CSMD3: variants seen among roughly 807,000 people sequenced by gnomAD.
CSMD3 encodes the protein CUB and Sushi multiple domains 3, also known as CUB and sushi domain-containing protein 3.
In CSMD3, 177 loss-of-function variants were observed where a neutral mutation model predicts 435.2. That is an observed-to-expected ratio of 0.41 (90% CI 0.36 to 0.46). CSMD3 has a LOEUF of 0.46. CSMD3 is among the 20% of genes least tolerant of loss of function. The pLI is 0.34. For missense variants in CSMD3, 4,265 were observed against 4,504.6 expected (o/e 0.95, Z 1.52); for synonymous variants, 1,656 against 1,520.5 (o/e 1.09, Z -2.07).
chr8:113,014,235 C>T (rs1364915215), intron 6 of CSMD3, among the ~76,000 whole-genome samples: 2 of 152,128 alleles, frequency 1.3e-5, no homozygotes, highest in Non-Finnish European at 2.9e-5. Flanking sequence ...GTGGTTCCCA[C>T]TTCCTTGGCT....
At chr8:112,255,824 G>C (rs1815736365) in intron 61 of CSMD3, 2 of 230,472 alleles carry the variant, frequency 8.7e-6, no homozygotes, top group South Asian at 5.9e-5. Context: ...AATGTTCCAG[G>C]CTGCACGCTA....
At chr8:113,348,808 C>A (rs1196373475) in intron 1 of CSMD3, among the ~76,000 whole-genome samples, 1 of 151,888 alleles carries the variant, frequency 6.6e-6, no homozygotes, top group Admixed American at 6.6e-5. Flanking sequence ...TTTAGGCTTA[C>A]GTGTATCATA....
chr8:112,835,125 A>C (rs569653287), intron 11 of CSMD3, among the ~76,000 whole-genome samples: 1 of 151,956 alleles, frequency 6.6e-6, no homozygotes, highest in African/African-American at 2.4e-5. Flanking sequence ...ATGCTTTTTA[A>C]CACTGACTTT....
intron 13 of CSMD3, among the ~76,000 whole-genome samples, chr8:112,708,903 T>A (rs1563879152): frequency 6.6e-6 from 1 of 152,072 alleles, no homozygotes; most frequent in Non-Finnish European, 1.5e-5. Context: ...AGCTAGCTTA[T>A]CTTCAGCTTC....
At chr8:113,165,139 T>C (rs1429748264) in intron 4 of CSMD3, among the ~76,000 whole-genome samples, 1 of 152,176 alleles carries the variant, frequency 6.6e-6, no homozygotes, top group East Asian at 1.9e-4. Flanking sequence ...TCTGAAGCTG[T>C]CAATATATTC....
At chr8:112,391,160 T>C (rs543634770) in intron 35 of CSMD3, among the ~76,000 whole-genome samples, 2 of 152,326 alleles carry the variant, frequency 1.3e-5, no homozygotes, top group Admixed American at 6.5e-5. Flanking sequence ...TTCTCCTTCA[T>C]GCATTCTTTG....
At chr8:112,549,201 T>C (rs1563689519) in intron 27 of CSMD3, among the ~76,000 whole-genome samples, 2 of 151,968 alleles carry the variant, frequency 1.3e-5, no homozygotes, top group South Asian at 2.1e-4. Context: ...TAAACTACAA[T>C]AGAAATAACT....
chr8:112,447,580 G>A (rs1204985256), intron 32 of CSMD3, among the ~76,000 whole-genome samples: 1 of 152,098 alleles, frequency 6.6e-6, no homozygotes, highest in Non-Finnish European at 1.5e-5. Flanking sequence ...CTCTCTAAGT[G>A]CTCCTTTTGG....
intron 5 of CSMD3, among the ~76,000 whole-genome samples, chr8:113,068,937 T>C (rs2088979690): frequency 6.6e-6 from 1 of 152,042 alleles, no homozygotes; most frequent in Non-Finnish European, 1.5e-5. Context: ...TTAACAGCTA[T>C]GATGTGAGTC....
chr8:112,536,886 G>A (rs1826150576), intron 27 of CSMD3, among the ~76,000 whole-genome samples: 1 of 151,850 alleles, frequency 6.6e-6, no homozygotes, highest in South Asian at 2.1e-4. Flanking sequence ...GGATGAAATT[G>A]GAAATCATCA....
At chr8:112,972,163 C>T (rs1281199376) in intron 7 of CSMD3, among the ~76,000 whole-genome samples, 1 of 151,372 alleles carries the variant, frequency 6.6e-6, no homozygotes, top group African/African-American at 2.4e-5. Flanking sequence ...TAATACATGC[C>T]CCAGTTTATG....
At chr8:113,212,893 AT>A (rs2092855351) in intron 3 of CSMD3, among the ~76,000 whole-genome samples, 1 of 142,618 alleles carries the variant, frequency 7.0e-6, no homozygotes, top group Non-Finnish European at 1.5e-5. Context: ...ATAATAAAAA[AT>A]ATATATATAT....
chr8:112,340,063 A>C (rs1402328882), intron 42 of CSMD3, among the ~76,000 whole-genome samples: 1 of 152,220 alleles, frequency 6.6e-6, no homozygotes, highest in Non-Finnish European at 1.5e-5. Flanking sequence ...CATTCAAATA[A>C]GAACATTATT....
chr8:113,252,009 A>C (rs2132303865), intron 3 of CSMD3, among the ~76,000 whole-genome samples: 1 of 152,200 alleles, frequency 6.6e-6, no homozygotes, highest in African/African-American at 2.4e-5. Flanking sequence ...TTACAGTTAA[A>C]ATTTTCACAG....
At chr8:112,464,861 A>G (rs1817804787) in intron 32 of CSMD3, among the ~76,000 whole-genome samples, 1 of 152,158 alleles carries the variant, frequency 6.6e-6, no homozygotes, top group Non-Finnish European at 1.5e-5. Context: ...TCTAAAGGAG[A>G]TATGAAATAT....
At chr8:113,123,106 T>C (rs2091031803) in intron 4 of CSMD3, among the ~76,000 whole-genome samples, 2 of 152,048 alleles carry the variant, frequency 1.3e-5, no homozygotes, top group South Asian at 2.1e-4. Flanking sequence ...AGTTAACTAT[T>C]GTATGATTGA....
intron 4 of CSMD3, among the ~76,000 whole-genome samples, chr8:113,135,820 T>A (rs970652498): frequency 1.3e-5 from 2 of 151,932 alleles, no homozygotes; most frequent in South Asian, 4.2e-4. Flanking sequence ...TGGACTGACC[T>A]CTGTGGAAAC....
intron 24 of CSMD3, among the ~76,000 whole-genome samples, chr8:112,560,488 T>A (rs1828523343): frequency 6.6e-6 from 1 of 151,704 alleles, no homozygotes; most frequent in African/African-American, 2.4e-5. Context: ...AGGAGACAAC[T>A]GAAAAATAAA....
chr8:112,605,487 A>G (rs1246748027), intron 22 of CSMD3, among the ~76,000 whole-genome samples: 1 of 152,138 alleles, frequency 6.6e-6, no homozygotes, highest in Non-Finnish European at 1.5e-5. Context: ...CAACATGGAA[A>G]GACCTGGAGA....
Sources: allele counts gnomAD v4.1 joint callset (sites outside exome capture counted in the v4.1 genomes callset), GRCh38; gene constraint gnomAD v4.1.1; transcripts MANE v1.5; gene names NCBI Gene and HGNC (gene_info 2026-07-23, HGNC 2026-07-21).